BCL2L11: variants seen among roughly 807,000 people sequenced by gnomAD.
BCL2L11 encodes BCL2 like 11.
Under a neutral mutation model 20.6 loss-of-function variants are expected in BCL2L11, and 15 were observed. The ratio of observed to expected loss-of-function variants is 0.73; its 90% CI spans 0.49 to 1.12. The LOEUF (loss-of-function observed/expected upper bound fraction) is 1.12. Ranked by LOEUF, BCL2L11 falls within the 50% of genes most tolerant of loss-of-function variation. BCL2L11 has a pLI of 0.00. For missense variants in BCL2L11, 292 were observed against 260.9 expected, an observed-to-expected ratio of 1.12 and a Z score of -0.82; for synonymous variants, 108 against 92.8, an observed-to-expected ratio of 1.16 and a Z score of -0.94.
In BCL2L11 at chr2:111,159,715, C is replaced by T. The variant is rs13414732; in HGVS notation, c.499-4418C>T. The stretch of plus-strand genomic sequence containing the variant: ...TCGTCCCAAGTGTAAATTGAAGATG[C>T]TTCTGCCCTGCACTTAATGTTCCTC... On this transcript the variant is annotated intron_variant, in intron 3 of 3. Transcript: ENST00000393256. 9.9e-3 allele frequency among the ~76,000 whole-genome samples: 1,511 copies of T among 152,340 alleles called. 31 individuals are homozygous for T. Among genetic ancestry groups the T allele is most frequent in the African/African-American group, 0.034 (1,411 of 41,580 alleles).
rs1207548057 is a variant in BCL2L11, at chr2:111,150,167, C to T, written c.498+20C>T. On this transcript the variant is annotated intron_variant, in intron 3 of 3. Coordinates refer to ENST00000393256, the MANE Select transcript of BCL2L11 (RefSeq NM_138621.5). Reference sequence around the variant, plus strand: ...AGGAGGGTAATGATGTTTTCTTTACCCGCTTTTCTGCTCACACCCTCCCCT... The same window carrying T: ...AGGAGGGTAATGATGTTTTCTTTACTCGCTTTTCTGCTCACACCCTCCCCT... 4 of 1,610,950 alleles carry T rather than the reference C, an allele frequency of 2.5e-6. No individual in the cohort carries two copies. Among genetic ancestry groups the T allele is most frequent in the African/African-American group, 2.7e-5 (2 of 74,748 alleles).
intron 2 of BCL2L11, chr2:111,142,235 T>C: frequency 7.9e-7 from 1 of 1,263,436 alleles, no homozygotes; most frequent in Non-Finnish European, 1.1e-6. Context: ...CCTGTTCTTT[T>C]CCTTCTGTGA....
intron 2 of BCL2L11, among the ~76,000 whole-genome samples, chr2:111,133,003 A>C (rs756172833): frequency 2.0e-5 from 3 of 152,246 alleles, no homozygotes; most frequent in Non-Finnish European, 4.4e-5. Context: ...AAATGTGTCA[A>C]GGTTTGTTTT....
rs764194259 is a variant in BCL2L11, at chr2:111,123,915, A to G, written c.170A>G (p.His57Arg). 3.1e-6 allele frequency: 5 copies of G among 1,613,328 alleles called. No homozygotes were observed. Among genetic ancestry groups the G allele is most frequent in the Middle Eastern group, 1.7e-4 (1 of 6,048 alleles). Residue 57 changes from histidine (H) to arginine (R), a missense_variant, in exon 2 of 4, where the codon CAC becomes CGC. His to Arg is a conservative substitution (Grantham distance 29). Transcript: ENST00000393256. ...NHGGEGDSCP[H>R]GSPQGPLAPP... is the part of the protein sequence containing the mutation. The stretch of plus-strand genomic sequence containing the variant: ...GGAGGTGAAGGGGACAGCTGCCCCC[A>G]CGGCAGCCCTCAGGGCCCGCTGGCC...
chr2:111,138,427 T>C (rs2075292917), intron 2 of BCL2L11, among the ~76,000 whole-genome samples: 1 of 152,220 alleles, frequency 6.6e-6, no homozygotes, highest in Non-Finnish European at 1.5e-5. Context: ...CTCTTTATAA[T>C]TTTAATCTTT....
At chr2:111,154,437 T>A (rs546146157) in intron 3 of BCL2L11, among the ~76,000 whole-genome samples, 3 of 152,346 alleles carry the variant, frequency 2.0e-5, no homozygotes, top group African/African-American at 7.2e-5. Flanking sequence ...GTTTTACCTC[T>A]GGTTCCGTTA....
intron 2 of BCL2L11, among the ~76,000 whole-genome samples, chr2:111,137,992 T>C (rs182987867): frequency 1.4e-5 from 2 of 148,046 alleles, no homozygotes; most frequent in Non-Finnish European, 1.5e-5. Context: ...TTTCTCCCTT[T>C]TTTCTTTCTT....
chr2:111,122,880 T>C (rs2071446799), intron 1 of BCL2L11: 1 of 985,434 alleles, frequency 1.0e-6, no homozygotes, highest in Non-Finnish European at 1.2e-6. Context: ...CCGCGGGGCT[T>C]GGTCCCTGGC....
intron 3 of BCL2L11, among the ~76,000 whole-genome samples, chr2:111,154,976 C>G (rs1226264409): frequency 6.6e-6 from 1 of 152,310 alleles, no homozygotes; most frequent in Non-Finnish European, 1.5e-5. Flanking sequence ...GGTCACGGAG[C>G]TCTTAAAAGT....
chr2:111,156,304 A>C (rs1330284598), intron 3 of BCL2L11, among the ~76,000 whole-genome samples: 1 of 152,250 alleles, frequency 6.6e-6, no homozygotes, highest in Admixed American at 6.5e-5. Flanking sequence ...TAACTCATGC[A>C]ATGATAGGTT....
At chr2:111,162,798 T>G (rs985553078) in intron 3 of BCL2L11, 1 of 152,254 alleles carries the variant, frequency 6.6e-6, no homozygotes, top group Non-Finnish European at 1.5e-5. Context: ...GTTGTGGTTT[T>G]ATTTTGAATA....
At chr2:111,133,350 A>G (rs2074290662) in intron 2 of BCL2L11, among the ~76,000 whole-genome samples, 2 of 152,168 alleles carry the variant, frequency 1.3e-5, no homozygotes, top group Admixed American at 6.5e-5. Flanking sequence ...TTTCTAATGT[A>G]CGCATTTATT....
intron 3 of BCL2L11, among the ~76,000 whole-genome samples, chr2:111,157,858 CTT>C (rs1225637971): frequency 2.0e-5 from 3 of 152,246 alleles, no homozygotes; most frequent in Non-Finnish European, 4.4e-5. Context: ...GCACCCATAG[CTT>C]TGCAACGCTA....
Position 111,164,374 on chromosome 2 carries a change from C to A in BCL2L11, c.*143C>A. ...GGGCAGGTGACGTTTCAGAAGACAC[C>A]GAGCTGGATGGGACTACCTTTCTGT... On this transcript the variant is annotated 3_prime_UTR_variant, in exon 4 of 4. Transcript: ENST00000393256. 1 of 634,562 alleles carries A rather than the reference C, an allele frequency of 1.6e-6. No homozygotes were observed. 39.3% of individuals were successfully genotyped at this position (634,562 alleles called of 1,614,324 possible).
intron 3 of BCL2L11, among the ~76,000 whole-genome samples, chr2:111,154,264 T>C (rs2077570263): frequency 6.6e-6 from 1 of 151,670 alleles, no homozygotes; most frequent in Non-Finnish European, 1.5e-5. Flanking sequence ...AGTGTAATTA[T>C]CAAAATTCAC....
chr2:111,141,779 A>G (rs1327898115), intron 2 of BCL2L11, among the ~76,000 whole-genome samples: 1 of 151,346 alleles, frequency 6.6e-6, no homozygotes, highest in Non-Finnish European at 1.5e-5. Context: ...GCTCACTGCA[A>G]TCTCCGCCTC....
At position 111,164,450 on chromosome 2, in the gene BCL2L11, G is replaced by A. The variant is rs1363784834; in HGVS notation, c.*219G>A. 4.4e-6 allele frequency: 2 copies of A among 453,234 alleles called. No homozygotes were observed. The highest frequency in any genetic ancestry group is 5.7e-4 in the Middle Eastern group (1 of 1,758). The allele number at this position is 453,234 out of a possible 1,614,324, so 28.1% of individuals were successfully genotyped here. On this transcript the variant is annotated 3_prime_UTR_variant, in exon 4 of 4. Coordinates refer to ENST00000393256, the MANE Select transcript of BCL2L11 (RefSeq NM_138621.5). ...ATGGAAGTTTGTTGTGAATGTAAAG[G>A]AGGGAGCATTCTTTGCTTTTTAATA...
chr2:111,131,873 G>A (rs2074020849), intron 2 of BCL2L11: 1 of 152,166 alleles, frequency 6.6e-6, no homozygotes, highest in Non-Finnish European at 1.5e-5. Flanking sequence ...TTAAGTTCAG[G>A]ATTTATGGAA....
intron 2 of BCL2L11, among the ~76,000 whole-genome samples, chr2:111,141,080 C>G (rs953058052): frequency 6.6e-6 from 1 of 152,226 alleles, no homozygotes; most frequent in Admixed American, 6.5e-5. Flanking sequence ...GGCCTATTAA[C>G]AACCCTGGGG....
Sources: gnomAD v4.1 joint callset for allele counts (sites outside exome capture counted in the v4.1 genomes callset) on GRCh38, gnomAD v4.1.1 for gene constraint, MANE v1.5 for transcripts, NCBI Gene and HGNC (gene_info 2026-07-23, HGNC 2026-07-21) for gene names.